The following SV2B variants were observed in gnomAD, a reference collection of about 807,000 sequenced individuals.
SV2B encodes synaptic vesicle glycoprotein 2B.
SV2B carries 41 observed loss-of-function variants against 73.9 expected under a neutral mutation model. That is an observed-to-expected ratio of 0.56 (90% confidence interval 0.43 to 0.72). SV2B has a LOEUF of 0.72. Among genes scored for constraint, SV2B ranks in the 30% least tolerant of loss-of-function variants. The pLI is 0.00. For missense variants in SV2B, 764 were observed against 857.8 expected (o/e 0.89, Z 1.37); for synonymous variants, 314 against 314.2 (o/e 1.00, Z 0.01).
chr15:91,261,863 CCTGCCATGCT>C lies in SV2B; in HGVS notation c.1008+1458_1008+1467del, dbSNP rs2047919935. On this transcript the variant is annotated intron_variant, in intron 6 of 12. Transcript: ENST00000394232. This position sits in a 1 kb window ranked among gnomAD's most constrained non-coding sequence, Gnocchi z 4.7. The stretch of plus-strand genomic sequence containing the variant: ...TAGTTACAGAGACGCTGTCTTCCTG[CCTGCCATGCT>C]CTGACAAACCAGGAGGCTATAGGCA... Among the ~76,000 whole-genome samples, 1 of 152,194 alleles carries C rather than the reference CCTGCCATGCT, an allele frequency of 6.6e-6. No homozygotes were observed. The highest frequency in any genetic ancestry group is 2.1e-4 in the South Asian group (1 of 4,830).
chr15:91,225,550 ATACTTTAAG>A (rs1342028384), intron 1 of SV2B, among the ~76,000 whole-genome samples: 3 of 152,010 alleles, frequency 2.0e-5, no homozygotes, highest in Admixed American at 6.5e-5. Flanking sequence ...TTTTATTATT[ATACTTTAAG>A]TTCTAGGGTA....
chr15:91,286,320 T>C (rs1437786350), intron 11 of SV2B, among the ~76,000 whole-genome samples: 1 of 152,244 alleles, frequency 6.6e-6, no homozygotes, highest in Non-Finnish European at 1.5e-5. Context: ...CTAGAAAATC[T>C]GCAAGCACAT....
chr15:91,114,108 C>T (rs2042111051), intron 1 of SV2B, among the ~76,000 whole-genome samples: 1 of 146,652 alleles, frequency 6.8e-6, no homozygotes, highest in African/African-American at 2.5e-5. Context: ...GGTGCGAACC[C>T]AGGAGGCGGA....
Position 91,226,040 on chromosome 15 carries a change from C to T in SV2B, c.-224C>T. The T allele has an allele frequency of 1.8e-6, 1 of 550,506 alleles. No individual in the cohort carries two copies. Among genetic ancestry groups the T allele is most frequent in the Non-Finnish European group, 3.2e-6 (1 of 313,764 alleles). The allele number at this position is 550,506 out of a possible 1,614,324, so 34.1% of individuals were successfully genotyped here. A position where few individuals can be genotyped will look rare whatever the true frequency, so the allele number is the denominator to read the frequency against. On this transcript the variant is annotated 5_prime_UTR_variant, in exon 2 of 13. Coordinates refer to ENST00000394232, the MANE Select transcript of SV2B (RefSeq NM_001323032.3). ...AGCTTGAAACTTTCCAGACTTCCAA[C>T]AGACATCGAGTGCAAAAGGATATTT... is the stretch of plus-strand genomic sequence containing the variant.
chr15:91,111,245 G>T (rs1165166692), intron 1 of SV2B, among the ~76,000 whole-genome samples: 1 of 152,174 alleles, frequency 6.6e-6, no homozygotes, highest in Admixed American at 6.5e-5. Context: ...TTTATGTCTT[G>T]TTACTTTCAG....
intron 1 of SV2B, among the ~76,000 whole-genome samples, chr15:91,103,517 A>G (rs1328143948): frequency 6.6e-6 from 1 of 152,232 alleles, no homozygotes; most frequent in Admixed American, 6.5e-5. Context: ...ACATAATATC[A>G]TATGGCAAAT....
intron 1 of SV2B, among the ~76,000 whole-genome samples, chr15:91,162,295 G>A (rs1481513345): frequency 6.6e-6 from 1 of 152,128 alleles, no homozygotes; most frequent in Non-Finnish European, 1.5e-5. Context: ...GCATAAAGAT[G>A]TTTGTTGATG....
rs1227373129 is a variant in SV2B at position 91,281,656 on chromosome 15, G to C, written c.1374-72G>C. On this transcript the variant is annotated intron_variant, in intron 9 of 12. Transcript: ENST00000394232. The surrounding 1 kb of genome is among the most constrained non-coding windows in gnomAD (Gnocchi z 4.7). ...GCACATCTCCTTTTTCTGCCTTGCT[G>C]TGTTTTCCATTTTGGTCTTAAGTCT... 1.4e-5 allele frequency: 21 copies of C among 1,503,760 alleles called. No homozygotes were observed. Among genetic ancestry groups the C allele is most frequent in the Non-Finnish European group, 1.9e-5 (21 of 1,117,500 alleles). The allele number at this position is 1,503,760 out of a possible 1,614,324, so 93.2% of individuals were successfully genotyped here. A position where few individuals can be genotyped will look rare whatever the true frequency, so the allele number is the denominator to read the frequency against.
In SV2B at chr15:91,124,535, C is replaced by T. The variant is rs141809187; in HGVS notation, c.-392+24172C>T. Among the ~76,000 whole-genome samples, 468 of 152,296 alleles carry T rather than the reference C, an allele frequency of 3.1e-3. 2 individuals are homozygous for T. The highest frequency in any genetic ancestry group is 0.011 in the African/African-American group (454 of 41,566). On this transcript the variant is annotated intron_variant, in intron 1 of 12. Coordinates refer to ENST00000394232, the MANE Select transcript of SV2B (RefSeq NM_001323032.3). The surrounding 1 kb of genome is among the most constrained non-coding windows in gnomAD (Gnocchi z 4.6). ...TTCCTTTAAGTCATCCTAAAACTTT[C>T]CACCATCCCCAAATGCCAAAAATAC...
chr15:91,282,930 G>C (rs1213091691), intron 10 of SV2B, among the ~76,000 whole-genome samples: 1 of 152,134 alleles, frequency 6.6e-6, no homozygotes, highest in African/African-American at 2.4e-5. Context: ...TTAGAAACTG[G>C]CATATTGTTT....
rs1275337085 is a variant in SV2B, at chr15:91,261,721, A to C, written c.1008+1312A>C. On this transcript the variant is annotated intron_variant, in intron 6 of 12. Coordinates refer to ENST00000394232, the MANE Select transcript of SV2B (RefSeq NM_001323032.3). The surrounding 1 kb of genome is among the most constrained non-coding windows in gnomAD (Gnocchi z 4.7). Reference sequence around the variant, plus strand: ...AGAGGACCCATTTCTTTACACCCTTACCATCAGTGGCTATTAGTCTGAATT... The same window carrying C: ...AGAGGACCCATTTCTTTACACCCTTCCCATCAGTGGCTATTAGTCTGAATT... Among the ~76,000 whole-genome samples the C allele has an allele frequency of 6.6e-6, 1 of 152,230 alleles. No homozygotes were observed. Among genetic ancestry groups the C allele is most frequent in the African/African-American group, 2.4e-5 (1 of 41,458 alleles).
chr15:91,278,692 A>AAAAAG lies in SV2B; in HGVS notation c.1374-3032_1374-3031insGAAAA, dbSNP rs1398155496. On this transcript the variant is annotated intron_variant, in intron 9 of 12. Transcript: ENST00000394232. The stretch of plus-strand genomic sequence containing the variant: ...AGACTCCGTCTCAAAAAAAAAAAAA[A>AAAAAG]AAAAAAAGAAGTTACACAGATATTC... 2.4e-4 allele frequency among the ~76,000 whole-genome samples: 36 copies of AAAAAG among 149,940 alleles called. 1 individual carries two copies. The highest frequency in any genetic ancestry group is 8.4e-4 in the African/African-American group (34 of 40,442).
intron 9 of SV2B, among the ~76,000 whole-genome samples, chr15:91,273,959 G>A (rs537848563): frequency 3.9e-5 from 6 of 152,150 alleles, no homozygotes; most frequent in African/African-American, 1.4e-4. Context: ...TATATTACAT[G>A]TATAGATATA....
In SV2B at chr15:91,288,897, C is replaced by T. The variant is rs752534232; in HGVS notation, c.1709-624C>T. On this transcript the variant is annotated intron_variant, in intron 11 of 12. Transcript: ENST00000394232. This position sits in a 1 kb window ranked among gnomAD's most constrained non-coding sequence, Gnocchi z 5.8. ...TTTATCATGTTGGTCAGGCTGGTCT[C>T]GAACTCCTGACCTCAAGTGATCCAC... Among the ~76,000 whole-genome samples, 10 of 152,158 alleles carry T rather than the reference C, an allele frequency of 6.6e-5. No homozygotes were observed. Among genetic ancestry groups the T allele is most frequent in the Middle Eastern group, 3.4e-3 (1 of 292 alleles).
chr15:91,269,108 GAA>G (rs200005312), intron 9 of SV2B, among the ~76,000 whole-genome samples: 3 of 144,346 alleles, frequency 2.1e-5, no homozygotes, highest in East Asian at 2.0e-4. Context: ...TTTTTTAGAG[GAA>G]AAAAAAAAAA....
In SV2B at chr15:91,300,154, G is replaced by T. The variant is rs2049394898; in HGVS notation, c.*7602G>T. 1.3e-5 allele frequency: 2 copies of T among 152,208 alleles called. No homozygotes were observed. Among genetic ancestry groups the T allele is most frequent in the African/African-American group, 4.8e-5 (2 of 41,458 alleles). The allele number at this position is 152,208 out of a possible 1,614,324, so 9.4% of individuals were successfully genotyped here. A position where few individuals can be genotyped will look rare whatever the true frequency, so the allele number is the denominator to read the frequency against. The stretch of plus-strand genomic sequence containing the variant: ...GTTTGAAATATGTGCTAAGTAGTTA[G>T]AGATTTGGCAGTTTTGCCACATTTC... On this transcript the variant is annotated 3_prime_UTR_variant, in exon 13 of 13. Coordinates refer to ENST00000394232, the MANE Select transcript of SV2B (RefSeq NM_001323032.3).
intron 2 of SV2B, among the ~76,000 whole-genome samples, chr15:91,237,619 C>A (rs1407251697): frequency 1.3e-5 from 2 of 151,534 alleles, no homozygotes; most frequent in Admixed American, 1.3e-4. Context: ...AGTAGAGAAC[C>A]ACGTAGTTTA....
intron 6 of SV2B, 56 bp downstream of exon 6, chr15:91,260,465 T>C: frequency 7.1e-7 from 1 of 1,409,010 alleles, no homozygotes; most frequent in Non-Finnish European, 9.7e-7. Context: ...ACTGCTTTGA[T>C]TTACTAAAAA....
intron 6 of SV2B, among the ~76,000 whole-genome samples, chr15:91,263,063 C>T (rs769106910): frequency 1.7e-4 from 26 of 151,580 alleles, no homozygotes; most frequent in African/African-American, 5.4e-4. Flanking sequence ...GCCTGAAACA[C>T]GGGCATACAC....
Sources: gnomAD v4.1 joint callset for allele counts (sites outside exome capture counted in the v4.1 genomes callset) on GRCh38, gnomAD v4.1.1 for gene constraint, Gnocchi (gnomAD v3.1) non-coding constraint, MANE v1.5 for transcripts, NCBI Gene and HGNC (gene_info 2026-07-23, HGNC 2026-07-21) for gene names.